PRKCH: variants seen among roughly 807,000 people sequenced by gnomAD.
PRKCH encodes protein kinase C eta type.
A neutral mutation model predicts 82.5 loss-of-function variants in PRKCH; 28 were observed. The observed-to-expected ratio is 0.34, with a 90% CI of 0.25 to 0.47. The LOEUF is 0.47. PRKCH is among the 20% of genes least tolerant of loss of function. The probability of loss-of-function intolerance (pLI) is 1.00; values close to 1 mark genes in which losing one functional copy is unlikely to be tolerated. For synonymous variants in PRKCH, 322 were observed against 327.4 expected (o/e 0.98, Z 0.18); for missense variants, 705 against 881.8 (o/e 0.80, Z 2.54).
chr14:61,200,711 T>TGAGA (rs777986995), intron 1 of PRKCH, among the ~76,000 whole-genome samples: 2 of 150,726 alleles, frequency 1.3e-5, no homozygotes, highest in Admixed American at 6.6e-5. Context: ...TAAGATATTT[T>TGAGA]GAGAGAGAGA....
At chr14:61,500,557 A>C (rs1242089359) in intron 10 of PRKCH, among the ~76,000 whole-genome samples, 1 of 152,074 alleles carries the variant, frequency 6.6e-6, no homozygotes, top group Non-Finnish European at 1.5e-5. Flanking sequence ...GTGGAAAGTT[A>C]ATTGGTGTGG....
chr14:61,472,054 T>A (rs916730939), intron 9 of PRKCH, among the ~76,000 whole-genome samples: 3 of 152,142 alleles, frequency 2.0e-5, no homozygotes, highest in Non-Finnish European at 4.4e-5. Flanking sequence ...GCACTGACAG[T>A]GGCATTGTTA....
chr14:61,333,980 C>G (rs879511829), intron 1 of PRKCH, among the ~76,000 whole-genome samples: 11 of 152,090 alleles, frequency 7.2e-5, no homozygotes, highest in Non-Finnish European at 1.6e-4. Context: ...TTTTTTGGTC[C>G]TCTCTGGAAT....
At chr14:61,525,362 T>G (rs1185024773) in intron 10 of PRKCH, 1 of 152,216 alleles carries the variant, frequency 6.6e-6, no homozygotes, top group African/African-American at 2.4e-5. Flanking sequence ...CCATGGCGTT[T>G]CCTTTACAGC....
At chr14:61,466,797 C>T (rs1337572604) in intron 9 of PRKCH, among the ~76,000 whole-genome samples, 2 of 152,122 alleles carry the variant, frequency 1.3e-5, no homozygotes, top group African/African-American at 4.8e-5. Context: ...TGCCTCCTCC[C>T]GCTCCTCTGC....
chr14:61,476,749 C>G (rs1885744861), intron 9 of PRKCH, among the ~76,000 whole-genome samples: 1 of 152,116 alleles, frequency 6.6e-6, no homozygotes, highest in Non-Finnish European at 1.5e-5. Context: ...TTTCACCTTC[C>G]CAAAGACTAG....
In PRKCH at chr14:61,321,612, C is replaced by T. The variant is rs1251684787; in HGVS notation, c.-490C>T. ...GGAACCTGGCGGTGCGAGGTTCTCG[C>T]CGGGGATGCGGCGGCGGCAGCTGCT... On this transcript the variant is annotated 5_prime_UTR_variant, in exon 1 of 14. Transcript: ENST00000332981. The surrounding 1 kb of genome is among the most constrained non-coding windows in gnomAD (Gnocchi z 4.1). 2 of 153,120 alleles carry T rather than the reference C, an allele frequency of 1.3e-5. No homozygotes were observed. The highest frequency in any genetic ancestry group is 1.3e-4 in the Admixed American group (2 of 15,346). 9.5% of individuals were successfully genotyped at this position (153,120 alleles called of 1,614,324 possible).
rs577355362 is a variant in PRKCH, at chr14:61,500,290, T to G, written c.1433+14634T>G. Among the ~76,000 whole-genome samples, 319 of 151,940 alleles carry G rather than the reference T, an allele frequency of 2.1e-3. 1 individual carries two copies. Among genetic ancestry groups the G allele is most frequent in the African/African-American group, 7.3e-3 (303 of 41,360 alleles). On this transcript the variant is annotated intron_variant, in intron 10 of 13. Transcript: ENST00000332981. ...GCAGCTCACTGCAGCCTAGAGCTCC[T>G]GGGCTCAAACCATCCTCCCACCTCA...
At chr14:61,476,230 T>G (rs749563959) in intron 9 of PRKCH, 1 of 152,228 alleles carries the variant, frequency 6.6e-6, no homozygotes, top group Non-Finnish European at 1.5e-5. Context: ...GTTCCTATTA[T>G]GTTCACTCTT....
At chr14:61,541,393 T>G (rs554013168) in intron 12 of PRKCH, among the ~76,000 whole-genome samples, 1 of 152,356 alleles carries the variant, frequency 6.6e-6, no homozygotes, top group East Asian at 1.9e-4. Flanking sequence ...GTGCTCTTTC[T>G]CTGCCCTTTC....
intron 1 of PRKCH, among the ~76,000 whole-genome samples, chr14:61,261,135 G>A (rs1417115067): frequency 6.6e-6 from 1 of 152,086 alleles, no homozygotes; most frequent in East Asian, 1.9e-4. Context: ...CAAACCCAGG[G>A]ATGACTCACC....
chr14:61,546,815 G>A (rs1222303197), intron 12 of PRKCH, among the ~76,000 whole-genome samples: 1 of 152,182 alleles, frequency 6.6e-6, no homozygotes, highest in Non-Finnish European at 1.5e-5. Flanking sequence ...TTCAATATGG[G>A]AAATTAAATT....
intron 1 of PRKCH, among the ~76,000 whole-genome samples, chr14:61,246,239 C>T (rs1436338230): frequency 7.3e-6 from 1 of 137,764 alleles, no homozygotes; most frequent in African/African-American, 2.8e-5. Context: ...AACCCCATCT[C>T]TACTGGAAAA....
At chr14:61,434,200 A>G (rs994607728) in intron 2 of PRKCH, among the ~76,000 whole-genome samples, 1 of 152,224 alleles carries the variant, frequency 6.6e-6, no homozygotes, top group Non-Finnish European at 1.5e-5. Context: ...TACATTTTCA[A>G]GTATATAAAA....
chr14:61,418,503 G>A (rs1027349895), intron 2 of PRKCH, among the ~76,000 whole-genome samples: 5 of 152,228 alleles, frequency 3.3e-5, no homozygotes, highest in Non-Finnish European at 5.9e-5. Context: ...GAGATGTATC[G>A]TGTGGCTCTG....
intron 2 of PRKCH, among the ~76,000 whole-genome samples, chr14:61,405,706 A>G (rs1881910886): frequency 6.6e-6 from 1 of 152,112 alleles, no homozygotes; most frequent in Non-Finnish European, 1.5e-5. Context: ...CTTGTGGTGA[A>G]CTATCATTTG....
chr14:61,358,302 TTC>T (rs2140157717), intron 1 of PRKCH, among the ~76,000 whole-genome samples: 1 of 152,322 alleles, frequency 6.6e-6, no homozygotes, highest in Admixed American at 6.5e-5. Context: ...GCTGCTGCTG[TTC>T]TCTTTCAGTT....
intron 1 of PRKCH, among the ~76,000 whole-genome samples, chr14:61,232,301 C>T (rs746887591): frequency 6.6e-6 from 1 of 152,260 alleles, no homozygotes; most frequent in Non-Finnish European, 1.5e-5. Context: ...TCTCGGCTCA[C>T]TGCAACCTAC....
rs1049631829 is a variant in PRKCH, at chr14:61,447,291, A to G, written c.613+1565A>G. Among the ~76,000 whole-genome samples, 22 of 152,368 alleles carry G rather than the reference A, an allele frequency of 1.4e-4. 1 individual carries two copies. Among genetic ancestry groups the G allele is most frequent in the East Asian group, 7.7e-4 (4 of 5,196 alleles). ...TGTATGTACCTAGCAACAGGAATCA[A>G]AATACATGGGACAAACTGATAGAAT... On this transcript the variant is annotated intron_variant, in intron 4 of 13. Transcript: ENST00000332981.
Sources: allele counts gnomAD v4.1 joint callset (sites outside exome capture counted in the v4.1 genomes callset), GRCh38; gene constraint gnomAD v4.1.1; non-coding constraint Gnocchi (gnomAD v3.1); transcripts MANE v1.5; gene names NCBI Gene and HGNC (gene_info 2026-07-23, HGNC 2026-07-21).